SH3PXD2B: variants seen among roughly 807,000 people sequenced by gnomAD.
SH3PXD2B encodes SH3 and PX domains 2B, also known as SH3 and PX domain-containing protein 2B.
Under a neutral mutation model 73.1 loss-of-function variants are expected in SH3PXD2B, and 37 were observed. The ratio of observed to expected loss-of-function variants is 0.51; its 90% confidence interval spans 0.39 to 0.67. The LOEUF is 0.67. Among genes scored for constraint, SH3PXD2B ranks in the 30% least tolerant of loss-of-function variants. SH3PXD2B has a pLI of 0.00. For synonymous variants in SH3PXD2B, 457 were observed against 480.5 expected, an observed-to-expected ratio of 0.95 and a Z score of 0.64; for missense variants, 1,053 against 1,197.8, an observed-to-expected ratio of 0.88 and a Z score of 1.78.
chr5:172,393,881 C>A (rs1758239908), intron 4 of SH3PXD2B, among the ~76,000 whole-genome samples: 1 of 152,068 alleles, frequency 6.6e-6, no homozygotes, highest in Non-Finnish European at 1.5e-5. Flanking sequence ...CAGGGATTGG[C>A]TAAATAACTT....
At chr5:172,359,002 A>T (rs1233677798) in intron 7 of SH3PXD2B, 125 bp from the exon 8 acceptor site, 1 of 914,482 alleles carries the variant, frequency 1.1e-6, no homozygotes, top group Non-Finnish European at 1.7e-6. Context: ...TTACCATTTT[A>T]TTGGTAGAAC....
At chr5:172,439,568 A>G (rs764911681) in intron 1 of SH3PXD2B, among the ~76,000 whole-genome samples, 5 of 152,096 alleles carry the variant, frequency 3.3e-5, no homozygotes, top group Admixed American at 6.6e-5. Flanking sequence ...GGAGGCCCCA[A>G]CCGAGTAGCC....
At chr5:172,358,679 G>T in intron 8 of SH3PXD2B, 94 bp downstream of exon 8, 1 of 1,154,432 alleles carries the variant, frequency 8.7e-7, no homozygotes, top group Non-Finnish European at 1.3e-6. Context: ...CAGAGGCAGA[G>T]GCCAAAAGAA....
At chr5:172,360,139 G>A (rs763493514) in intron 7 of SH3PXD2B, among the ~76,000 whole-genome samples, 3 of 152,162 alleles carry the variant, frequency 2.0e-5, no homozygotes, top group Non-Finnish European at 2.9e-5. Context: ...GGGCGTGGTG[G>A]CTCATGCATG....
At position 172,339,155 on chromosome 5, in the gene SH3PXD2B, G is replaced by A. The variant is rs893359520; in HGVS notation, c.1950C>T (p.Pro650=). The A allele has an allele frequency of 1.9e-6, 3 of 1,614,208 alleles. No individual in the cohort carries two copies. ...PQVRPKPAPS[P]KTEPPQGEDQ... ...CTTCGCCCTGAGGTGGCTCCGTTTT[G>A]GGGGAAGGAGCTGGTTTTGGCCTAA... Residue 650 remains proline, a synonymous_variant, in exon 13 of 13, where the codon CCC becomes CCT. Transcript: ENST00000311601. This position sits in a 1 kb window ranked among gnomAD's most constrained non-coding sequence, Gnocchi z 6.1.
At chr5:172,417,260 C>G (rs2113454411) in intron 2 of SH3PXD2B, among the ~76,000 whole-genome samples, 1 of 152,328 alleles carries the variant, frequency 6.6e-6, no homozygotes, top group South Asian at 2.1e-4. Context: ...GGTCATGTGA[C>G]CCAAGATGAG....
intron 5 of SH3PXD2B, among the ~76,000 whole-genome samples, chr5:172,376,370 T>C (rs560227010): frequency 2.8e-4 from 43 of 152,318 alleles, no homozygotes; most frequent in African/African-American, 9.9e-4. Flanking sequence ...GGGTGTGAAT[T>C]GGATCTAATG....
chr5:172,373,279 C>T (rs1167168103), intron 6 of SH3PXD2B, among the ~76,000 whole-genome samples: 1 of 152,236 alleles, frequency 6.6e-6, no homozygotes, highest in Non-Finnish European at 1.5e-5. Flanking sequence ...GGATGCCCCT[C>T]ATTCTATGGA....
chr5:172,367,813 A>G (rs185070265), intron 6 of SH3PXD2B, among the ~76,000 whole-genome samples: 199 of 152,150 alleles, frequency 1.3e-3, no homozygotes, highest in Non-Finnish European at 1.6e-3. Flanking sequence ...TTGAAATGTC[A>G]ATGTGATGGC....
At chr5:172,329,049 G>T (rs60358090), downstream of SH3PXD2B, among the ~76,000 whole-genome samples, 2 of 117,692 alleles carry the variant, frequency 1.7e-5, no homozygotes, top group South Asian at 2.7e-4. Context: ...ATATGTATGT[G>T]TGTGTGTGTG....
intron 10 of SH3PXD2B, among the ~76,000 whole-genome samples, chr5:172,349,085 T>C (rs1414848082): frequency 6.6e-6 from 1 of 152,162 alleles, no homozygotes; most frequent in African/African-American, 2.4e-5. Flanking sequence ...TGGGAATACA[T>C]CTAACCTCTT....
intron 1 of SH3PXD2B, among the ~76,000 whole-genome samples, chr5:172,447,052 G>A (rs1458493166): frequency 6.6e-6 from 1 of 152,200 alleles, no homozygotes; most frequent in Non-Finnish European, 1.5e-5. Flanking sequence ...GCAGCAGGAT[G>A]TGGGGATCTG....
chr5:172,399,791 T>C (rs1024361783), intron 3 of SH3PXD2B, among the ~76,000 whole-genome samples: 4 of 152,222 alleles, frequency 2.6e-5, no homozygotes, highest in Non-Finnish European at 5.9e-5. Context: ...CTCCTTATAC[T>C]TTCTGTCTCA....
At chr5:172,395,120 C>A (rs1423228795) in intron 3 of SH3PXD2B, among the ~76,000 whole-genome samples, 1 of 152,092 alleles carries the variant, frequency 6.6e-6, no homozygotes, top group East Asian at 1.9e-4. Flanking sequence ...CATTCTGAGC[C>A]CTCCCCTCTG....
At chr5:172,343,548 T>C (rs925841673) in intron 12 of SH3PXD2B, among the ~76,000 whole-genome samples, 8 of 152,128 alleles carry the variant, frequency 5.3e-5, no homozygotes, top group African/African-American at 1.9e-4. Context: ...CGCCTGCAAT[T>C]CCACCGCTTT....
intron 1 of SH3PXD2B, among the ~76,000 whole-genome samples, chr5:172,439,688 G>GCACACACACA (rs1166130299): frequency 2.3e-3 from 242 of 104,180 alleles, no homozygotes; most frequent in Admixed American, 5.3e-3. Flanking sequence ...GCGCGCACGC[G>GCACACACACA]CGCGCACACA....
chr5:172,383,650 G>T (rs1468061663), intron 4 of SH3PXD2B, among the ~76,000 whole-genome samples: 1 of 152,190 alleles, frequency 6.6e-6, no homozygotes, highest in African/African-American at 2.4e-5. Context: ...CAGAGAACAC[G>T]TGTGCATATG....
In SH3PXD2B at chr5:172,336,157, A is replaced by G. The variant is rs1361064666; in HGVS notation, c.*2212T>C. On this transcript the variant is annotated 3_prime_UTR_variant, in exon 13 of 13. Transcript: ENST00000311601. ...CCTAGCACAGAGTAGACACTCACAA[A>G]GTATCTGAAAGCGTCGCTGAAAGGC... 8 of 986,170 alleles carry G rather than the reference A, an allele frequency of 8.1e-6. No individual in the cohort carries two copies. Among genetic ancestry groups the G allele is most frequent in the African/African-American group, 5.2e-5 (3 of 57,278 alleles). 61.1% of individuals were successfully genotyped at this position (986,170 alleles called of 1,614,324 possible). A position where few individuals can be genotyped will look rare whatever the true frequency, so the allele number is the denominator to read the frequency against.
intron 8 of SH3PXD2B, among the ~76,000 whole-genome samples, chr5:172,355,297 G>A (rs886422159): frequency 5.3e-5 from 8 of 152,240 alleles, no homozygotes; most frequent in Admixed American, 2.6e-4. Context: ...CGGGGGCCGA[G>A]CTGACTCAAG....
Sources: gnomAD v4.1 joint callset for allele counts (sites outside exome capture counted in the v4.1 genomes callset) on GRCh38, gnomAD v4.1.1 for gene constraint, Gnocchi (gnomAD v3.1) non-coding constraint, MANE v1.5 for transcripts, NCBI Gene and HGNC (gene_info 2026-07-23, HGNC 2026-07-21) for gene names.